FBXL20: variants seen among roughly 807,000 people sequenced by gnomAD.
The protein encoded by FBXL20 is F-box and leucine rich repeat protein 20.
FBXL20 carries 11 observed loss-of-function variants against 64.0 expected under a neutral mutation model. The observed-to-expected ratio is 0.17, with a 90% CI of 0.11 to 0.28. FBXL20 has a LOEUF of 0.28. Ranked by LOEUF, FBXL20 falls within the 10% of genes least tolerant of loss-of-function variation. The pLI is 1.00. For missense variants in FBXL20, 303 were observed against 526.2 expected, an observed-to-expected ratio of 0.58 and a Z score of 4.15; for synonymous variants, 184 against 189.0, an observed-to-expected ratio of 0.97 and a Z score of 0.22.
chr17:39,322,802 T>C (rs2047369967), intron 2 of FBXL20, among the ~76,000 whole-genome samples: 2 of 152,086 alleles, frequency 1.3e-5, no homozygotes, highest in South Asian at 4.1e-4. Context: ...TTTATTTATT[T>C]ATTTTATTTT....
chr17:39,323,614 T>C (rs2047378892), intron 2 of FBXL20, among the ~76,000 whole-genome samples: 1 of 152,166 alleles, frequency 6.6e-6, no homozygotes, highest in Non-Finnish European at 1.5e-5. Context: ...AGAATACTAC[T>C]GACTTAATTG....
At chr17:39,395,532 C>G (rs185688673) in intron 1 of FBXL20, among the ~76,000 whole-genome samples, 1 of 152,156 alleles carries the variant, frequency 6.6e-6, no homozygotes, top group Non-Finnish European at 1.5e-5. Context: ...AAAGCCCAGG[C>G]CTTTGCTATG....
intron 1 of FBXL20, among the ~76,000 whole-genome samples, chr17:39,358,599 T>A (rs992320888): frequency 6.6e-6 from 1 of 151,884 alleles, no homozygotes; most frequent in African/African-American, 2.4e-5. Flanking sequence ...GGAGAATCAC[T>A]AGAACCCTGG....
chr17:39,324,007 A>AG (rs1268399248), intron 2 of FBXL20, among the ~76,000 whole-genome samples: 1 of 114,676 alleles, frequency 8.7e-6, no homozygotes, highest in South Asian at 2.3e-4. Context: ...CTCGTGATCC[A>AG]ACCCCCTCCC....
In FBXL20 at chr17:39,401,271, C is replaced by A. The variant is rs1331940896; in HGVS notation, c.42+90G>T. ...CCAGTGGGTGGGTGACGGCGCCTGC[C>A]AGGGAGGAGGCTCCGTGCGGAGCGG... On this transcript the variant is annotated intron_variant, in intron 1 of 14. Coordinates refer to ENST00000264658, the MANE Select transcript of FBXL20 (RefSeq NM_032875.3). The A allele has an allele frequency of 3.7e-6, 6 of 1,601,788 alleles. No individual in the cohort carries two copies. In the Admixed American group the frequency reaches 1.0e-4, roughly 27 times the overall value.
chr17:39,359,645 A>G (rs2144611112), intron 1 of FBXL20, among the ~76,000 whole-genome samples: 1 of 152,190 alleles, frequency 6.6e-6, no homozygotes, highest in African/African-American at 2.4e-5. Context: ...GTTGGTGAGA[A>G]TGTGGAGAAA....
intron 6 of FBXL20, among the ~76,000 whole-genome samples, chr17:39,288,554 G>A (rs1049697432): frequency 3.9e-5 from 6 of 152,090 alleles, no homozygotes; most frequent in Non-Finnish European, 7.4e-5. Flanking sequence ...GGGCTTAAGT[G>A]ATCCTCCTGC....
At chr17:39,347,630 T>C (rs1459462693) in intron 1 of FBXL20, among the ~76,000 whole-genome samples, 2 of 152,190 alleles carry the variant, frequency 1.3e-5, no homozygotes, top group Non-Finnish European at 2.9e-5. Context: ...TTTTCTCCCA[T>C]TCTGTAGGTT....
At chr17:39,336,458 T>C (rs1464349867) in intron 2 of FBXL20, among the ~76,000 whole-genome samples, 1 of 152,112 alleles carries the variant, frequency 6.6e-6, no homozygotes. Flanking sequence ...AAAACAAATA[T>C]CCATGAGTCT....
intron 1 of FBXL20, among the ~76,000 whole-genome samples, chr17:39,350,826 A>C (rs1392635970): frequency 6.6e-6 from 1 of 152,100 alleles, no homozygotes; most frequent in Non-Finnish European, 1.5e-5. Flanking sequence ...AATTCATAGG[A>C]TTTTCCCTAG....
chr17:39,369,653 G>C (rs1050239644), intron 1 of FBXL20, among the ~76,000 whole-genome samples: 1 of 151,844 alleles, frequency 6.6e-6, no homozygotes, highest in Admixed American at 6.6e-5. Context: ...GCCCAGCTAT[G>C]TGTTTATTTT....
chr17:39,261,447 A>AC lies in FBXL20; in HGVS notation c.*12dup, dbSNP rs1336022598. 6.2e-7 allele frequency: 1 copy of AC among 1,605,122 alleles called. No homozygotes were observed. Among genetic ancestry groups the AC allele is most frequent in the Admixed American group, 1.7e-5 (1 of 59,990 alleles). On this transcript the variant is annotated 3_prime_UTR_variant, in exon 15 of 15. Coordinates refer to ENST00000264658, the MANE Select transcript of FBXL20 (RefSeq NM_032875.3). ...TTAAATACTCAGTTCGCCAAGGTTG[A>AC]CCACCTCCATTGTCATAGGATGATG...
At chr17:39,375,407 T>C (rs368385961) in intron 1 of FBXL20, among the ~76,000 whole-genome samples, 26 of 151,824 alleles carry the variant, frequency 1.7e-4, no homozygotes, top group East Asian at 1.2e-3. Flanking sequence ...AAAGCAACAA[T>C]AACAACAAAA....
intron 1 of FBXL20, among the ~76,000 whole-genome samples, chr17:39,381,181 AT>A (rs1385537963): frequency 6.6e-6 from 1 of 151,512 alleles, no homozygotes; most frequent in Non-Finnish European, 1.5e-5. Flanking sequence ...AAAGTTGTTA[AT>A]AAAAGCTAAA....
intron 1 of FBXL20, among the ~76,000 whole-genome samples, chr17:39,388,704 G>C (rs894821286): frequency 6.6e-6 from 1 of 150,842 alleles, no homozygotes; most frequent in Non-Finnish European, 1.5e-5. Flanking sequence ...GGATGGTCTC[G>C]ATCTCTTGAC....
intron 1 of FBXL20, among the ~76,000 whole-genome samples, chr17:39,373,729 T>C (rs1234553974): frequency 6.6e-6 from 1 of 152,222 alleles, no homozygotes; most frequent in African/African-American, 2.4e-5. Context: ...TCTAGCCTAC[T>C]AGGCTGTAGT....
At chr17:39,268,350 T>C (rs1362253739) in intron 12 of FBXL20, among the ~76,000 whole-genome samples, 1 of 151,834 alleles carries the variant, frequency 6.6e-6, no homozygotes, top group African/African-American at 2.4e-5. Context: ...TGAAATTCCA[T>C]CTCAAAAAAA....
At chr17:39,368,495 A>C (rs764340592) in intron 1 of FBXL20, among the ~76,000 whole-genome samples, 3 of 152,142 alleles carry the variant, frequency 2.0e-5, no homozygotes, top group Non-Finnish European at 4.4e-5. Context: ...TTTTCCTACC[A>C]AGTCCTAAGT....
Position 39,343,175 on chromosome 17 carries a change from C to T in FBXL20, c.104+5G>A. On this transcript the variant is annotated splice_donor_5th_base_variant and intron_variant, in intron 2 of 14. Transcript: ENST00000264658. ...AAAACCCATAAAATTAGCATTCAGA[C>T]TTACCGTAACAGGAGTTCTTTGGGA... 6.3e-7 allele frequency: 1 copy of T among 1,594,820 alleles called. No homozygotes were observed. Among genetic ancestry groups the T allele is most frequent in the South Asian group, 1.2e-5 (1 of 86,556 alleles).
Sources: allele counts gnomAD v4.1 joint callset (sites outside exome capture counted in the v4.1 genomes callset), GRCh38; gene constraint gnomAD v4.1.1; transcripts MANE v1.5; gene names NCBI Gene and HGNC (gene_info 2026-07-23, HGNC 2026-07-21).